The following KCNH1 variants were observed in gnomAD, a reference collection of about 807,000 sequenced individuals.
The protein encoded by KCNH1 is potassium voltage-gated channel subfamily H member 1.
A neutral mutation model predicts 69.2 loss-of-function variants in KCNH1; 27 were observed. The ratio of observed to expected loss-of-function variants is 0.39; its 90% CI spans 0.29 to 0.54. The LOEUF (loss-of-function observed/expected upper bound fraction) is 0.54, where lower values mean the gene tolerates loss of function less well. Among genes scored for constraint, KCNH1 ranks in the 20% least tolerant of loss-of-function variants. The probability of loss-of-function intolerance (pLI) is 0.68; values close to 1 mark genes in which losing one functional copy is unlikely to be tolerated. For missense variants in KCNH1, 798 were observed against 1,261.6 expected (o/e 0.63, Z 5.57); for synonymous variants, 456 against 487.7 (o/e 0.93, Z 0.86).
At chr1:210,788,914 T>G (rs1336398062) in intron 9 of KCNH1, among the ~76,000 whole-genome samples, 1 of 148,754 alleles carries the variant, frequency 6.7e-6, no homozygotes, top group East Asian at 1.9e-4. Flanking sequence ...GCCGGGATGG[T>G]CTCGATCTCC....
chr1:210,777,833 C>A (rs896036593), intron 9 of KCNH1, among the ~76,000 whole-genome samples: 1 of 152,248 alleles, frequency 6.6e-6, no homozygotes, highest in African/African-American at 2.4e-5. Flanking sequence ...CTAATTCCCT[C>A]CCCTTGAATC....
chr1:210,795,638 TTTTC>T (rs959335917), intron 9 of KCNH1, among the ~76,000 whole-genome samples: 1 of 152,252 alleles, frequency 6.6e-6, no homozygotes, highest in African/African-American at 2.4e-5. Context: ...GGGCTTTTCT[TTTTC>T]TTTCTTTCTT....
intron 1 of KCNH1, among the ~76,000 whole-genome samples, chr1:211,108,899 G>A (rs571966465): frequency 5.9e-5 from 9 of 152,258 alleles, no homozygotes; most frequent in Admixed American, 5.2e-4. Flanking sequence ...GCAAGACCCT[G>A]GGGGTCTCCA....
chr1:211,005,105 A>C (rs1239657425), intron 6 of KCNH1, among the ~76,000 whole-genome samples: 4 of 152,130 alleles, frequency 2.6e-5, no homozygotes, highest in Non-Finnish European at 5.9e-5. Context: ...GCATCACTAC[A>C]TATCTTACAG....
At chr1:210,780,176 T>C (rs142870084) in intron 9 of KCNH1, among the ~76,000 whole-genome samples, 47 of 152,254 alleles carry the variant, frequency 3.1e-4, no homozygotes, top group Non-Finnish European at 5.6e-4. Context: ...GCAATTCTGA[T>C]CTGAACCCTA....
At chr1:210,851,692 A>G (rs892296474) in intron 7 of KCNH1, among the ~76,000 whole-genome samples, 1 of 152,238 alleles carries the variant, frequency 6.6e-6, no homozygotes, top group Non-Finnish European at 1.5e-5. Flanking sequence ...TATGTGGTAT[A>G]GCCTGTTGCT....
chr1:210,941,761 G>T (rs866137526), intron 6 of KCNH1, among the ~76,000 whole-genome samples: 39 of 152,160 alleles, frequency 2.6e-4, no homozygotes, highest in African/African-American at 8.9e-4. Context: ...AGAAACAGAG[G>T]ACTCATAGGG....
intron 4 of KCNH1, among the ~76,000 whole-genome samples, chr1:211,084,082 C>A (rs1413721765): frequency 6.6e-6 from 1 of 152,130 alleles, no homozygotes; most frequent in Non-Finnish European, 1.5e-5. Context: ...AAATGTGGAA[C>A]TGCTGGGGTT....
chr1:210,953,065 G>A (rs1501558), intron 6 of KCNH1, among the ~76,000 whole-genome samples: 52,266 of 151,958 alleles, frequency 0.34, 9,352 homozygotes, highest in Non-Finnish European at 0.38. Context: ...GATAATCAAA[G>A]CTATCAAATA....
intron 3 of KCNH1, 80 bp from the exon 4 acceptor site, chr1:211,090,770 T>G: frequency 8.2e-7 from 1 of 1,224,410 alleles, no homozygotes; most frequent in Middle Eastern, 1.9e-4. Context: ...TGGGAATGAA[T>G]AGGTACAAAT....
At chr1:210,757,165 G>A (rs1286806303) in intron 10 of KCNH1, among the ~76,000 whole-genome samples, 1 of 152,160 alleles carries the variant, frequency 6.6e-6, no homozygotes, top group Non-Finnish European at 1.5e-5. Flanking sequence ...GATGAATCTG[G>A]GGGCTTCAGC....
At chr1:210,810,167 T>TC (rs1684673697) in intron 7 of KCNH1, among the ~76,000 whole-genome samples, 1 of 152,186 alleles carries the variant, frequency 6.6e-6, no homozygotes, top group Admixed American at 6.5e-5. Context: ...ACTCTTATAT[T>TC]CAATTAATAG....
At chr1:210,948,193 C>A (rs1433874381) in intron 6 of KCNH1, among the ~76,000 whole-genome samples, 14 of 149,486 alleles carry the variant, frequency 9.4e-5, no homozygotes, top group African/African-American at 4.9e-5. Flanking sequence ...AGAGTAAGAC[C>A]CTGTCTCTTT....
intron 7 of KCNH1, among the ~76,000 whole-genome samples, chr1:210,849,596 C>T (rs1040497948): frequency 7.2e-5 from 11 of 151,986 alleles, no homozygotes; most frequent in African/African-American, 2.7e-4. Flanking sequence ...AAATTCCCGA[C>T]CTCAGGTGAT....
chr1:210,703,643 A>G (rs927258836), intron 10 of KCNH1, among the ~76,000 whole-genome samples: 8 of 152,218 alleles, frequency 5.3e-5, no homozygotes, highest in Non-Finnish European at 1.0e-4. Context: ...TAATGCTACA[A>G]AAGACAAGAT....
At chr1:210,964,138 A>C (rs1482655406) in intron 6 of KCNH1, among the ~76,000 whole-genome samples, 1 of 152,148 alleles carries the variant, frequency 6.6e-6, no homozygotes, top group Admixed American at 6.6e-5. Flanking sequence ...AATAATCAAC[A>C]CTTAAAAAGA....
chr1:210,703,743 A>G (rs541079423), intron 10 of KCNH1, among the ~76,000 whole-genome samples: 6 of 152,342 alleles, frequency 3.9e-5, no homozygotes, highest in East Asian at 1.9e-4. Flanking sequence ...TGCATAGAGC[A>G]GGACACAAAG....
chr1:210,758,049 G>A (rs147417230), intron 10 of KCNH1, among the ~76,000 whole-genome samples: 92 of 152,346 alleles, frequency 6.0e-4, no homozygotes, highest in African/African-American at 2.1e-3. Context: ...AAGAGGTGCA[G>A]CACAAAAGCA....
intron 7 of KCNH1, chr1:210,859,794 A>G (rs1685936320): frequency 3.9e-6 from 4 of 1,020,796 alleles, no homozygotes; most frequent in Non-Finnish European, 6.3e-6. Context: ...TTCTGTCATG[A>G]AGCCCCAAGA....
Sources: gnomAD v4.1 joint callset for allele counts (sites outside exome capture counted in the v4.1 genomes callset) on GRCh38, gnomAD v4.1.1 for gene constraint, MANE v1.5 for transcripts, NCBI Gene and HGNC (gene_info 2026-07-23, HGNC 2026-07-21) for gene names.